The following EPB41L2 variants were observed in gnomAD, a reference collection of about 807,000 sequenced individuals.
EPB41L2 encodes the protein band 4.1-like protein 2.
In EPB41L2, 43 loss-of-function variants were observed where a neutral mutation model predicts 113.0. The observed-to-expected ratio is 0.38, with a 90% CI of 0.30 to 0.49. The LOEUF is 0.49. Ranked by LOEUF, EPB41L2 falls within the 20% of genes least tolerant of loss-of-function variation. The probability of loss-of-function intolerance (pLI) is 0.95; values close to 1 mark genes in which losing one functional copy is unlikely to be tolerated. For missense variants in EPB41L2, 1,147 were observed against 1,223.4 expected (o/e 0.94, Z 0.93); for synonymous variants, 442 against 436.7 (o/e 1.01, Z -0.15).
At chr6:131,005,043 G>C (rs1463054915) in intron 1 of EPB41L2, among the ~76,000 whole-genome samples, 1 of 152,086 alleles carries the variant, frequency 6.6e-6, no homozygotes, top group African/African-American at 2.4e-5. Context: ...ACATTCCAAA[G>C]GCAAAGGCAA....
chr6:130,864,017 A>G (rs1023286085), intron 17 of EPB41L2, among the ~76,000 whole-genome samples: 3 of 152,234 alleles, frequency 2.0e-5, no homozygotes, highest in Non-Finnish European at 2.9e-5. Context: ...TGATTAAGAT[A>G]GGACAGATAT....
chr6:130,914,724 A>G (rs186441233), intron 4 of EPB41L2, among the ~76,000 whole-genome samples: 49 of 152,274 alleles, frequency 3.2e-4, no homozygotes, highest in African/African-American at 1.1e-3. Flanking sequence ...GAGCTGACCT[A>G]TATCAGATTT....
chr6:130,915,765 T>C (rs1317559015), intron 4 of EPB41L2, among the ~76,000 whole-genome samples: 2 of 152,160 alleles, frequency 1.3e-5, no homozygotes, highest in African/African-American at 4.8e-5. Flanking sequence ...TGATAGTGAA[T>C]GGGTCTCACG....
Position 130,840,000 on chromosome 6 carries a change from T to G in EPB41L2, c.*604A>C, listed in dbSNP as rs527462173. ...GGACTGGAAAGTCAAAAGGGTCCAA[T>G]ATAAAAAACATCCCTGTGAAATTCT... On this transcript the variant is annotated 3_prime_UTR_variant, in exon 20 of 20. Coordinates refer to ENST00000337057, the MANE Select transcript of EPB41L2 (RefSeq NM_001431.4). The G allele has an allele frequency of 6.6e-6, 1 of 152,310 alleles. No homozygotes were observed. The highest frequency in any genetic ancestry group is 2.1e-4 in the South Asian group (1 of 4,822). 9.4% of individuals were successfully genotyped at this position (152,310 alleles called of 1,614,324 possible). A position where few individuals can be genotyped will look rare whatever the true frequency, so the allele number is the denominator to read the frequency against.
chr6:130,894,930 C>A, intron 9 of EPB41L2, 37 bp downstream of exon 9: 1 of 1,566,328 alleles, frequency 6.4e-7, no homozygotes, highest in Non-Finnish European at 8.7e-7. Flanking sequence ...GTAAACAGGC[C>A]GACTAACAAC....
chr6:130,885,510 T>C (rs1337125398), intron 11 of EPB41L2, among the ~76,000 whole-genome samples: 3 of 152,176 alleles, frequency 2.0e-5, no homozygotes, highest in Non-Finnish European at 2.9e-5. Context: ...ACCACAGGTA[T>C]TGGAAGGATA....
At chr6:130,980,779 T>C (rs181753727) in intron 1 of EPB41L2, among the ~76,000 whole-genome samples, 4 of 152,252 alleles carry the variant, frequency 2.6e-5, no homozygotes, top group Admixed American at 1.3e-4. Flanking sequence ...GGGGTAGGCA[T>C]GATAAGGAAG....
At chr6:131,015,268 G>A (rs1237530045) in intron 1 of EPB41L2, 1 of 152,216 alleles carries the variant, frequency 6.6e-6, no homozygotes, top group Non-Finnish European at 1.5e-5. Flanking sequence ...AAGAGTCTGT[G>A]TTGGAAACTC....
intron 1 of EPB41L2, among the ~76,000 whole-genome samples, chr6:131,012,595 A>G (rs750258859): frequency 2.6e-5 from 4 of 151,526 alleles, no homozygotes; most frequent in Non-Finnish European, 5.9e-5. Flanking sequence ...AGATTATGCC[A>G]TATTGGTCTA....
Position 130,948,772 on chromosome 6 carries a change from CAAAT to C in EPB41L2, c.705+6329_705+6332del, listed in dbSNP as rs1813809790. On this transcript the variant is annotated intron_variant, in intron 3 of 19. Transcript: ENST00000337057. Reference sequence around the variant, plus strand: ...AAAGCTAGTACAATAACATAAATATCAAATAAAATAAATTTCAAGGTATTATATG... The same window carrying C: ...AAAGCTAGTACAATAACATAAATATCAAAATAAATTTCAAGGTATTATATG... Among the ~76,000 whole-genome samples the C allele has an allele frequency of 2.0e-5, 3 of 152,094 alleles. No homozygotes were observed. The South Asian group carries it at 6.2e-4, about 32-fold the overall frequency.
In EPB41L2 at chr6:130,970,614, A is replaced by AT. The variant is rs528928808; in HGVS notation, c.-14-14116dup. The AT allele has an allele frequency of 3.5e-3, 537 of 152,036 alleles. 1 individual carries two copies. The highest frequency in any genetic ancestry group is 0.013 in the African/African-American group (519 of 41,428). The allele number at this position is 152,036 out of a possible 1,614,324, so 9.4% of individuals were successfully genotyped here. On this transcript the variant is annotated intron_variant, in intron 1 of 19. Transcript: ENST00000337057. ...TTTTATAAAATTCTTCTATCCTGAG[A>AT]TTTTTTCTCATTTAGTTTTCCTGGT...
In EPB41L2 at chr6:131,012,925, C is replaced by T. The variant is rs1419693762; in HGVS notation, c.-15+50230G>A. Among the ~76,000 whole-genome samples the T allele has an allele frequency of 3.3e-4, 50 of 152,264 alleles. 1 individual carries two copies. Among genetic ancestry groups the T allele is most frequent in the Non-Finnish European group, 8.8e-5 (6 of 68,012 alleles). ...ATCTTCTTTAACTGATTTGATTCTA[C>T]AAAATGAACATTTGTAATAGTAACT... On this transcript the variant is annotated intron_variant, in intron 1 of 19. Coordinates refer to ENST00000337057, the MANE Select transcript of EPB41L2 (RefSeq NM_001431.4).
intron 1 of EPB41L2, among the ~76,000 whole-genome samples, chr6:130,988,707 A>T (rs1057169392): frequency 1.3e-5 from 2 of 152,190 alleles, no homozygotes; most frequent in African/African-American, 2.4e-5. Flanking sequence ...ATGAAAAAAT[A>T]TTTGGAGGGA....
chr6:130,873,169 T>C (rs1319424883), intron 14 of EPB41L2, among the ~76,000 whole-genome samples: 4 of 152,140 alleles, frequency 2.6e-5, no homozygotes, highest in Non-Finnish European at 5.9e-5. Flanking sequence ...ACAGAGTAAA[T>C]TACCCTGTCC....
chr6:131,000,684 G>A (rs930522631), intron 1 of EPB41L2: 6 of 152,202 alleles, frequency 3.9e-5, no homozygotes, highest in African/African-American at 1.4e-4. Flanking sequence ...CTGCAGCCCA[G>A]GCTGTGATCA....
intron 11 of EPB41L2, among the ~76,000 whole-genome samples, chr6:130,887,057 T>C (rs879766540): frequency 5.3e-5 from 8 of 152,264 alleles, no homozygotes; most frequent in Middle Eastern, 3.4e-3. Flanking sequence ...TTATACATAC[T>C]CAGAAATTTT....
chr6:130,875,730 G>T (rs1204115840), intron 14 of EPB41L2, among the ~76,000 whole-genome samples: 3 of 152,114 alleles, frequency 2.0e-5, no homozygotes, highest in Non-Finnish European at 4.4e-5. Flanking sequence ...CGGGTGTGGT[G>T]GCTCACGCCT....
At chr6:130,954,040 C>CTTTCTTTCTTTTTTTTTTT (rs1816373036) in intron 3 of EPB41L2, among the ~76,000 whole-genome samples, 11 of 58,860 alleles carry the variant, frequency 1.9e-4, no homozygotes, top group South Asian at 9.2e-4. Context: ...CCTTTTCTTT[C>CTTTCTTTCTTTTTTTTTTT]TTTTTTTTTT....
intron 1 of EPB41L2, among the ~76,000 whole-genome samples, chr6:130,963,318 C>T (rs1774099582): frequency 6.6e-6 from 1 of 152,100 alleles, no homozygotes; most frequent in African/African-American, 2.4e-5. Context: ...ATTATTACTC[C>T]CACTGCATTT....
Sources: allele counts gnomAD v4.1 joint callset (sites outside exome capture counted in the v4.1 genomes callset), GRCh38; gene constraint gnomAD v4.1.1; transcripts MANE v1.5; gene names NCBI Gene and HGNC (gene_info 2026-07-23, HGNC 2026-07-21).